The following PHYHD1 variants were observed in gnomAD, a reference collection of about 807,000 sequenced individuals.
PHYHD1 encodes the protein phytanoyl-CoA dioxygenase domain-containing protein 1.
In PHYHD1, 42 loss-of-function variants were observed where a neutral mutation model predicts 43.6. That is an observed-to-expected ratio of 0.96 (90% CI 0.75 to 1.25). The LOEUF (loss-of-function observed/expected upper bound fraction) is 1.25. Ranked by LOEUF, PHYHD1 falls within the 50% of genes most tolerant of loss-of-function variation. The probability of loss-of-function intolerance (pLI) is 0.00; values close to 1 mark genes in which losing one functional copy is unlikely to be tolerated. For synonymous variants in PHYHD1, 139 were observed against 143.6 expected (o/e 0.97, Z 0.23); for missense variants, 342 against 370.8 (o/e 0.92, Z 0.64).
At position 128,936,507 on chromosome 9, in the gene PHYHD1, A is replaced by G. The variant is rs771405408; in HGVS notation, c.372+4A>G. ...CACACACTCCTTCAAGGTGCAGGTG[A>G]GCAGAGGTGGGGGTGAGGGCCAGGA... On this transcript the variant is annotated splice_donor_region_variant and intron_variant, in intron 7 of 12. Coordinates refer to ENST00000372592, the MANE Select transcript of PHYHD1 (RefSeq NM_001100876.2). The G allele has an allele frequency of 3.1e-6, 5 of 1,613,662 alleles. No homozygotes were observed. In the Admixed American group the frequency reaches 6.7e-5, roughly 22 times the overall value.
chr9:128,941,329 TG>T, intron 11 of PHYHD1, 115 bp from the exon 12 acceptor site: 2 of 1,370,326 alleles, frequency 1.5e-6, no homozygotes, highest in Non-Finnish European at 2.0e-6. Flanking sequence ...GGGAAGGGAA[TG>T]GGGATGGATG....
At chr9:128,940,791 A>G (rs1237996419) in intron 11 of PHYHD1, 76 bp downstream of exon 11, 6 of 1,490,676 alleles carry the variant, frequency 4.0e-6, no homozygotes, top group Middle Eastern at 2.4e-4. Flanking sequence ...CCAGCGTCCA[A>G]GAGGTTGCCC....
chr9:128,933,581 C>A, intron 4 of PHYHD1: 1 of 682,690 alleles, frequency 1.5e-6, no homozygotes. Context: ...CAAGAAATTC[C>A]ATGTTTGCAT....
intron 4 of PHYHD1, among the ~76,000 whole-genome samples, chr9:128,933,574 G>A (rs533909986): frequency 6.6e-6 from 1 of 152,264 alleles, no homozygotes; most frequent in East Asian, 1.9e-4. Flanking sequence ...AGGTGTCCAA[G>A]AAATTCCATG....
intron 3 of PHYHD1, among the ~76,000 whole-genome samples, chr9:128,924,351 G>GAGCTTGC (rs1841080091): frequency 6.6e-6 from 1 of 152,164 alleles, no homozygotes; most frequent in African/African-American, 2.4e-5. Flanking sequence ...CCGGGAGGCG[G>GAGCTTGC]AGCTTGCAGT....
At chr9:128,939,593 T>A (rs10118774) in intron 9 of PHYHD1, among the ~76,000 whole-genome samples, 7,983 of 114,610 alleles carry the variant, frequency 0.07, 1,094 homozygotes, top group African/African-American at 0.17. Flanking sequence ...AAAAAAAAAA[T>A]AATAATAATA....
intron 3 of PHYHD1, 43 bp from the exon 4 acceptor site, chr9:128,926,995 C>G: frequency 6.2e-7 from 1 of 1,613,624 alleles, no homozygotes; most frequent in Non-Finnish European, 8.5e-7. Flanking sequence ...CAGACAGGAG[C>G]ATTTGCAGAC....
In PHYHD1 at chr9:128,941,468, G is replaced by A. The variant is rs767369571; in HGVS notation, c.727G>A (p.Glu243Lys). The A allele has an allele frequency of 6.2e-7, 1 of 1,613,824 alleles. No individual in the cohort carries two copies. The highest frequency in any genetic ancestry group is 8.5e-7 in the Non-Finnish European group (1 of 1,180,016). Reference sequence around the variant, plus strand: ...AGGGGCCCTGGTCCTCATCCATGGAGAAGTGGTACACAAGAGCAAGCAGAA... The same window carrying A: ...AGGGGCCCTGGTCCTCATCCATGGAAAAGTGGTACACAAGAGCAAGCAGAA... ...QRGALVLIHG[E>K]VVHKSKQNLS... is the part of the protein sequence containing the mutation. The change falls in exon 12 of 13, where the codon GAA (glutamate) becomes AAA (lysine). Residue 243 changes from glutamate to lysine, a missense_variant. Transcript: ENST00000372592.
In PHYHD1 at chr9:128,938,769, T is replaced by C. The variant is rs1377999707; in HGVS notation, c.457+991T>C. Among the ~76,000 whole-genome samples, 2 of 130,920 alleles carry C rather than the reference T, an allele frequency of 1.5e-5. 1 individual carries two copies. Among genetic ancestry groups the C allele is most frequent in the Non-Finnish European group, 3.6e-5 (2 of 56,240 alleles). The allele number at this position is 130,920 out of a possible 152,430, so 85.9% of individuals were successfully genotyped here. Reference sequence around the variant, plus strand: ...AGTTTCCTGGAGGACGAATTCAGCATAGAAATTGCTGATCTAGTTCCACAC... The same window carrying C: ...AGTTTCCTGGAGGACGAATTCAGCACAGAAATTGCTGATCTAGTTCCACAC... On this transcript the variant is annotated intron_variant, in intron 9 of 12. Coordinates refer to ENST00000372592, the MANE Select transcript of PHYHD1 (RefSeq NM_001100876.2).
In PHYHD1 at chr9:128,937,038, C is replaced by T. The variant is rs566304682; in HGVS notation, c.435+393C>T. Among the ~76,000 whole-genome samples the T allele has an allele frequency of 2.0e-5, 3 of 152,134 alleles. No individual in the cohort carries two copies. The East Asian group carries it at 5.8e-4, about 29-fold the overall frequency. On this transcript the variant is annotated intron_variant, in intron 8 of 12. Transcript: ENST00000372592. Reference sequence around the variant, plus strand: ...GCTGAGGCAGGATAATTGCTTGAACCCAGGAGGTGGAGGTTACAGTGAGTG... The same window carrying T: ...GCTGAGGCAGGATAATTGCTTGAACTCAGGAGGTGGAGGTTACAGTGAGTG...
intron 4 of PHYHD1, among the ~76,000 whole-genome samples, chr9:128,932,068 C>G (rs534046860): frequency 6.6e-6 from 1 of 151,292 alleles, no homozygotes; most frequent in Non-Finnish European, 1.5e-5. Flanking sequence ...CTCCTGACCT[C>G]GGGTGATCTG....
At chr9:128,938,232 C>T (rs1412256380) in intron 9 of PHYHD1, among the ~76,000 whole-genome samples, 2 of 152,040 alleles carry the variant, frequency 1.3e-5, no homozygotes, top group African/African-American at 2.4e-5. Context: ...CGCTTGAACC[C>T]AGGAGGCAGA....
intron 6 of PHYHD1, 79 bp downstream of exon 6, chr9:128,934,137 T>A (rs1841367142): frequency 1.4e-6 from 2 of 1,455,544 alleles, no homozygotes; most frequent in Non-Finnish European, 1.9e-6. Context: ...TAATCCTAAC[T>A]AACACTTTGA....
intron 5 of PHYHD1, 25 bp from the exon 6 acceptor site, chr9:128,933,986 C>G: frequency 6.2e-7 from 1 of 1,613,590 alleles, no homozygotes; most frequent in Non-Finnish European, 8.5e-7. Flanking sequence ...CAGTTCTCTG[C>G]CTTTATCTGT....
At chr9:128,930,655 A>T (rs1227900607) in intron 4 of PHYHD1, among the ~76,000 whole-genome samples, 2 of 151,658 alleles carry the variant, frequency 1.3e-5, no homozygotes, top group Non-Finnish European at 2.9e-5. Flanking sequence ...AAAACAAACA[A>T]AAAAAGCACC....
At chr9:128,936,779 TCTGGCTAAAGCA>T in intron 8 of PHYHD1, 134 bp downstream of exon 8, 2 of 1,080,314 alleles carry the variant, frequency 1.9e-6, no homozygotes, top group South Asian at 3.0e-5. Context: ...ATCGGTCTCC[TCTGGCTAAAGCA>T]CCTGGAACTT....
chr9:128,936,537 G>C (rs17485346), intron 7 of PHYHD1, 34 bp downstream of exon 7: 4 of 1,612,026 alleles, frequency 2.5e-6, no homozygotes, highest in Non-Finnish European at 2.5e-6. Context: ...CCAGGAGGGT[G>C]GGCCATGTGT....
chr9:128,935,289 T>C (rs960673375), intron 6 of PHYHD1, among the ~76,000 whole-genome samples: 2 of 152,110 alleles, frequency 1.3e-5, no homozygotes, highest in Admixed American at 1.3e-4. Context: ...AGTTATATCA[T>C]GGTAAGCTTG....
At chr9:128,931,685 C>T (rs1380000972) in intron 4 of PHYHD1, among the ~76,000 whole-genome samples, 1 of 152,108 alleles carries the variant, frequency 6.6e-6, no homozygotes. Flanking sequence ...CCACCACACC[C>T]GGCTAATTTT....
Sources: gnomAD v4.1 joint callset for allele counts (sites outside exome capture counted in the v4.1 genomes callset) on GRCh38, gnomAD v4.1.1 for gene constraint, MANE v1.5 for transcripts, NCBI Gene and HGNC (gene_info 2026-07-23, HGNC 2026-07-21) for gene names.